CHKA: variants seen among roughly 807,000 people sequenced by gnomAD.
CHKA encodes choline kinase alpha.
A neutral mutation model predicts 60.1 loss-of-function variants in CHKA; 34 were observed. The ratio of observed to expected loss-of-function variants is 0.57; its 90% CI spans 0.43 to 0.75. CHKA has a LOEUF of 0.75. Ranked by LOEUF, CHKA falls within the 30% of genes least tolerant of loss-of-function variation. CHKA has a pLI of 0.00. For synonymous variants in CHKA, 217 were observed against 223.1 expected, an observed-to-expected ratio of 0.97 and a Z score of 0.24; for missense variants, 563 against 561.3, an observed-to-expected ratio of 1.00 and a Z score of -0.03.
intron 1 of CHKA, among the ~76,000 whole-genome samples, chr11:68,098,779 C>T (rs934625533): frequency 6.1e-4 from 92 of 152,040 alleles, no homozygotes; most frequent in Non-Finnish European, 1.3e-3. Flanking sequence ...CTGCAACCTC[C>T]ACCACCCAGG....
intron 1 of CHKA, among the ~76,000 whole-genome samples, chr11:68,108,612 C>T (rs1255647641): frequency 1.3e-5 from 2 of 152,180 alleles, no homozygotes; most frequent in South Asian, 2.1e-4. Context: ...GGCGTGGTGG[C>T]GGGCGCCTGT....
In CHKA at chr11:68,052,969, G is replaced by C. The variant is rs1188513961; in HGVS notation, c.*1019C>G. On this transcript the variant is annotated 3_prime_UTR_variant, in exon 12 of 12. Coordinates refer to ENST00000265689, the MANE Select transcript of CHKA (RefSeq NM_001277.3). ...GAGTAAAAAAAAGTCAGCTAAGACT[G>C]TATCCCGCAGGACATTTCATATATA... 2 of 152,590 alleles carry C rather than the reference G, an allele frequency of 1.3e-5. No homozygotes were observed. Among genetic ancestry groups the C allele is most frequent in the Non-Finnish European group, 2.9e-5 (2 of 68,036 alleles). 9.5% of individuals were successfully genotyped at this position (152,590 alleles called of 1,614,324 possible). A position where few individuals can be genotyped will look rare whatever the true frequency, so the allele number is the denominator to read the frequency against.
chr11:68,080,295 T>C (rs1590852937), intron 3 of CHKA, among the ~76,000 whole-genome samples: 1 of 152,196 alleles, frequency 6.6e-6, no homozygotes, highest in East Asian at 1.9e-4. Flanking sequence ...AAAAATATCA[T>C]CACTTTCATT....
chr11:68,091,207 T>C (rs1026983353), intron 2 of CHKA, among the ~76,000 whole-genome samples: 1 of 152,244 alleles, frequency 6.6e-6, no homozygotes, highest in Non-Finnish European at 1.5e-5. Flanking sequence ...CTATTACTTC[T>C]CAAAACTTCT....
chr11:68,091,043 T>C (rs964056872), intron 2 of CHKA, among the ~76,000 whole-genome samples: 8 of 152,230 alleles, frequency 5.3e-5, no homozygotes, highest in Non-Finnish European at 1.2e-4. Context: ...TCAGCCAAAC[T>C]TGCTTCTCTG....
At chr11:68,099,236 AACTG>A (rs1857617607) in intron 1 of CHKA, among the ~76,000 whole-genome samples, 1 of 152,184 alleles carries the variant, frequency 6.6e-6, no homozygotes, top group Non-Finnish European at 1.5e-5. Flanking sequence ...AATGTTCTAA[AACTG>A]ACTGTGGTAA....
chr11:68,111,658 C>T (rs556159439), intron 1 of CHKA, among the ~76,000 whole-genome samples: 1 of 152,212 alleles, frequency 6.6e-6, no homozygotes, highest in South Asian at 2.1e-4. Flanking sequence ...CTAGAGAGTA[C>T]AGAAATACAC....
At chr11:68,103,785 A>G (rs927639833) in intron 1 of CHKA, among the ~76,000 whole-genome samples, 2 of 151,894 alleles carry the variant, frequency 1.3e-5, no homozygotes, top group Non-Finnish European at 2.9e-5. Context: ...ATGGTGGTGT[A>G]CATCTGTAAT....
chr11:68,120,960 G>C lies in CHKA; in HGVS notation c.218C>G (p.Pro73Arg). Reference sequence around the variant, plus strand: ...CTCGTCTGCGGGCGGCTGCGGCGGCGGGGGCTGGGGCAGCGGCAGCGGCAG... The same window carrying C: ...CTCGTCTGCGGGCGGCTGCGGCGGCCGGGGCTGGGGCAGCGGCAGCGGCAG... ...LPLPLPLPQPPPPQPPADEQP... is the reference protein window; with the variant it reads ...LPLPLPLPQPRPPQPPADEQP... Residue 73 changes from proline to arginine, a missense_variant, in exon 1 of 12, where the codon CCG becomes CGG. Physicochemically the swap from Pro to Arg is moderately radical, Grantham distance 103 (BLOSUM62 -2). Transcript: ENST00000265689. 8.7e-7 allele frequency: 1 copy of C among 1,147,636 alleles called. No individual in the cohort carries two copies. Among genetic ancestry groups the C allele is most frequent in the Non-Finnish European group, 1.1e-6 (1 of 930,770 alleles). The allele number at this position is 1,147,636 out of a possible 1,614,324, so 71.1% of individuals were successfully genotyped here.
intron 1 of CHKA, among the ~76,000 whole-genome samples, chr11:68,103,773 G>A (rs1045103203): frequency 1.0e-3 from 155 of 151,954 alleles, no homozygotes; most frequent in African/African-American, 2.5e-3. Context: ...AATTAGCCAC[G>A]CATGGTGGTG....
intron 9 of CHKA, among the ~76,000 whole-genome samples, chr11:68,065,242 T>A (rs541744872): frequency 4.3e-4 from 65 of 152,088 alleles, no homozygotes; most frequent in Non-Finnish European, 7.5e-4. Flanking sequence ...AAAAAAATAC[T>A]ACAAGGAACT....
At chr11:68,078,853 G>A (rs1404154924) in intron 3 of CHKA, among the ~76,000 whole-genome samples, 2 of 151,498 alleles carry the variant, frequency 1.3e-5, no homozygotes, top group East Asian at 1.9e-4. Context: ...GCTAAATCTC[G>A]AGACAGAACA....
chr11:68,115,952 A>G (rs893811824), intron 1 of CHKA, among the ~76,000 whole-genome samples: 4 of 152,192 alleles, frequency 2.6e-5, no homozygotes, highest in African/African-American at 9.7e-5. Context: ...ATTTTTCCAA[A>G]AAAATTATGA....
Position 68,056,320 on chromosome 11 carries a change from T to C in CHKA, c.1315-2273A>G, listed in dbSNP as rs1033633263. ...TAAACAGAATCTCTCTCTCTGACCTTCTGCCGTCCTTTCACCTGCCCAAAG... is the reference window on the plus strand; with the variant it reads ...TAAACAGAATCTCTCTCTCTGACCTCCTGCCGTCCTTTCACCTGCCCAAAG... On this transcript the variant is annotated intron_variant, in intron 11 of 11. Coordinates refer to ENST00000265689, the MANE Select transcript of CHKA (RefSeq NM_001277.3). 4.6e-5 allele frequency among the ~76,000 whole-genome samples: 7 copies of C among 152,290 alleles called. No individual in the cohort carries two copies. The South Asian group carries it at 1.5e-3, about 32-fold the overall frequency.
At chr11:68,070,669 T>G in intron 5 of CHKA, 55 bp downstream of exon 5, 1 of 1,579,822 alleles carries the variant, frequency 6.3e-7, no homozygotes, top group Non-Finnish European at 8.7e-7. Flanking sequence ...CTTATGGTAC[T>G]TCTGGGAGCC....
chr11:68,102,600 A>G (rs1232138626), intron 1 of CHKA, among the ~76,000 whole-genome samples: 1 of 152,206 alleles, frequency 6.6e-6, no homozygotes, highest in Non-Finnish European at 1.5e-5. Context: ...TGAAACTGCC[A>G]TAAGAAAACA....
chr11:68,053,929 C>T lies in CHKA; in HGVS notation c.*59G>A, dbSNP rs973938466. On this transcript the variant is annotated 3_prime_UTR_variant, in exon 12 of 12. Transcript: ENST00000265689. ...GCAGTAGTCGAAGCACAGAGGGGAC[C>T]CCGCTCTGCTGCCTCCCCATGCAGT... 2.7e-6 allele frequency: 4 copies of T among 1,482,972 alleles called. No homozygotes were observed. In the African/African-American group the frequency reaches 4.1e-5, roughly 15 times the overall value. 91.9% of individuals were successfully genotyped at this position (1,482,972 alleles called of 1,614,324 possible). A position where few individuals can be genotyped will look rare whatever the true frequency, so the allele number is the denominator to read the frequency against.
At chr11:68,080,307 C>T (rs1045081841) in intron 3 of CHKA, among the ~76,000 whole-genome samples, 1 of 152,028 alleles carries the variant, frequency 6.6e-6, no homozygotes, top group African/African-American at 2.4e-5. Flanking sequence ...ACTTTCATTC[C>T]TTTTTTATCT....
At chr11:68,071,973 G>A (rs1856633103) in intron 4 of CHKA, among the ~76,000 whole-genome samples, 1 of 152,172 alleles carries the variant, frequency 6.6e-6, no homozygotes, top group Admixed American at 6.5e-5. Flanking sequence ...AAATTACCAT[G>A]CTGCAATAAG....
Sources: allele counts gnomAD v4.1 joint callset (sites outside exome capture counted in the v4.1 genomes callset), GRCh38; gene constraint gnomAD v4.1.1; transcripts MANE v1.5; gene names NCBI Gene and HGNC (gene_info 2026-07-23, HGNC 2026-07-21).